CAMTA1: variants seen among roughly 807,000 people sequenced by gnomAD.
CAMTA1 encodes the protein calmodulin binding transcription activator 1.
Under a neutral mutation model 170.9 loss-of-function variants are expected in CAMTA1, and 27 were observed. That is an observed-to-expected ratio of 0.16 (90% CI 0.12 to 0.22). The LOEUF (loss-of-function observed/expected upper bound fraction) is 0.22, where lower values mean the gene tolerates loss of function less well. Among genes scored for constraint, CAMTA1 ranks in the 10% least tolerant of loss-of-function variants. The pLI, the probability that CAMTA1 is intolerant of heterozygous loss-of-function variation, is 1.00. For missense variants in CAMTA1, 1,619 were observed against 2,217.2 expected (o/e 0.73, Z 5.42); for synonymous variants, 833 against 891.5 (o/e 0.93, Z 1.17).
chr1:6,979,753 A>T (rs1476264104), intron 3 of CAMTA1, among the ~76,000 whole-genome samples: 1 of 152,112 alleles, frequency 6.6e-6, no homozygotes, highest in African/African-American at 2.4e-5. Context: ...GCTGGGGGAG[A>T]GGACCCCCAG....
chr1:6,847,838 G>A (rs187664947), intron 3 of CAMTA1, among the ~76,000 whole-genome samples: 9 of 151,876 alleles, frequency 5.9e-5, no homozygotes, highest in Admixed American at 3.3e-4. Context: ...TGAGTAGCTG[G>A]GATTACAGGC....
intron 4 of CAMTA1, among the ~76,000 whole-genome samples, chr1:7,135,026 T>C (rs564568919): frequency 7.4e-4 from 113 of 152,234 alleles, no homozygotes; most frequent in African/African-American, 2.6e-3. Context: ...TAATGAATCA[T>C]CAGAGAGATA....
chr1:7,470,225 G>A (rs992652483), intron 6 of CAMTA1, among the ~76,000 whole-genome samples: 1 of 152,254 alleles, frequency 6.6e-6, no homozygotes, highest in Non-Finnish European at 1.5e-5. Context: ...CCCCAGGTCT[G>A]TGCGGGGCAA....
intron 11 of CAMTA1, among the ~76,000 whole-genome samples, chr1:7,691,186 G>A (rs900859864): frequency 6.6e-6 from 1 of 152,302 alleles, no homozygotes. Context: ...GCTGAACGAT[G>A]AGCACAAGTT....
intron 3 of CAMTA1, among the ~76,000 whole-genome samples, chr1:6,849,534 C>T (rs1197659933): frequency 6.6e-6 from 1 of 151,706 alleles, no homozygotes; most frequent in Non-Finnish European, 1.5e-5. Flanking sequence ...GGGAGAGTTA[C>T]AGAAACCAAG....
chr1:7,690,795 G>A (rs2096301988), intron 11 of CAMTA1, among the ~76,000 whole-genome samples: 1 of 152,222 alleles, frequency 6.6e-6, no homozygotes, highest in Non-Finnish European at 1.5e-5. Context: ...GTGGCGCAGA[G>A]AGTCACACAC....
At chr1:7,318,245 C>A (rs1007444379) in intron 5 of CAMTA1, among the ~76,000 whole-genome samples, 10 of 151,762 alleles carry the variant, frequency 6.6e-5, no homozygotes, top group African/African-American at 2.4e-4. Flanking sequence ...TGAGCAGTGG[C>A]AGGTGGCACT....
chr1:7,524,642 T>G (rs1245218729), intron 6 of CAMTA1, among the ~76,000 whole-genome samples: 5 of 152,174 alleles, frequency 3.3e-5, no homozygotes, highest in African/African-American at 1.2e-4. Flanking sequence ...CTGAGATAAT[T>G]TCCTGCTATT....
intron 4 of CAMTA1, among the ~76,000 whole-genome samples, chr1:7,197,628 CCA>C (rs3222484): frequency 0.1 from 11,377 of 109,634 alleles, 633 homozygotes; most frequent in African/African-American, 0.15. Flanking sequence ...TTGTCCCCCA[CCA>C]CACACACACA....
intron 5 of CAMTA1, among the ~76,000 whole-genome samples, chr1:7,399,668 G>A (rs544216086): frequency 3.4e-4 from 52 of 152,292 alleles, no homozygotes; most frequent in African/African-American, 1.2e-3. Context: ...TGGTCTAGTG[G>A]TGATGAATAC....
intron 3 of CAMTA1, among the ~76,000 whole-genome samples, chr1:7,087,575 A>G (rs1640910019): frequency 6.6e-6 from 1 of 152,160 alleles, no homozygotes; most frequent in Non-Finnish European, 1.5e-5. Context: ...AATTCAGAGC[A>G]GTGGTGCAGA....
rs565598726 is a variant in CAMTA1, at chr1:7,152,584, C to T, written c.302+61213C>T. 2.6e-5 allele frequency among the ~76,000 whole-genome samples: 4 copies of T among 152,330 alleles called. No individual in the cohort carries two copies. In the South Asian group the frequency reaches 8.3e-4, roughly 32 times the overall value. The stretch of plus-strand genomic sequence containing the variant: ...GGAGGTTGCCAAGGGCAGAGATGTC[C>T]AGCCCCTGCTCTGAGGCTGTCAAGT... On this transcript the variant is annotated intron_variant, in intron 4 of 22. Transcript: ENST00000303635.
intron 6 of CAMTA1, among the ~76,000 whole-genome samples, chr1:7,546,146 C>T (rs1346307711): frequency 6.6e-6 from 1 of 152,004 alleles, no homozygotes; most frequent in African/African-American, 2.4e-5. Flanking sequence ...TTAGTAGAGA[C>T]AGGGTTTCAC....
chr1:6,929,266 G>C (rs12131341), intron 3 of CAMTA1, among the ~76,000 whole-genome samples: 1,821 of 152,202 alleles, frequency 0.012, 31 homozygotes, highest in South Asian at 0.066. Flanking sequence ...TGCAACCTCC[G>C]CCTCCTGGGT....
At chr1:6,785,936 C>T (rs1378699590) in intron 1 of CAMTA1, among the ~76,000 whole-genome samples, 1 of 150,212 alleles carries the variant, frequency 6.7e-6, no homozygotes, top group East Asian at 2.0e-4. Flanking sequence ...CCCGAGCCCG[C>T]TGCGCGGCCC....
intron 5 of CAMTA1, among the ~76,000 whole-genome samples, chr1:7,257,871 T>C (rs542047024): frequency 6.6e-6 from 1 of 152,310 alleles, no homozygotes; most frequent in African/African-American, 2.4e-5. Context: ...GTTTTGGATA[T>C]TGGTCCCATT....
chr1:7,021,822 C>T (rs1316347934), intron 3 of CAMTA1, among the ~76,000 whole-genome samples: 1 of 152,136 alleles, frequency 6.6e-6, no homozygotes, highest in Non-Finnish European at 1.5e-5. Flanking sequence ...ATTCTGCTTC[C>T]CTGTAAAGTA....
At chr1:7,629,942 G>A (rs867302449) in intron 6 of CAMTA1, among the ~76,000 whole-genome samples, 1 of 152,028 alleles carries the variant, frequency 6.6e-6, no homozygotes. Flanking sequence ...TGAGCCTCTC[G>A]CCCTGCACGT....
chr1:6,973,753 C>T (rs1396198065), intron 3 of CAMTA1, among the ~76,000 whole-genome samples: 1 of 152,178 alleles, frequency 6.6e-6, no homozygotes, highest in African/African-American at 2.4e-5. Context: ...AGACTCAGCC[C>T]TCACCTGGAC....
Sources: gnomAD v4.1 joint callset for allele counts (sites outside exome capture counted in the v4.1 genomes callset) on GRCh38, gnomAD v4.1.1 for gene constraint, MANE v1.5 for transcripts, NCBI Gene and HGNC (gene_info 2026-07-23, HGNC 2026-07-21) for gene names.